The following GALNT14 variants were observed in gnomAD, a reference collection of about 807,000 sequenced individuals.
GALNT14 encodes the protein polypeptide N-acetylgalactosaminyltransferase 14, also known as UDP-GalNAc:polypeptide N-acetylgalactosaminyltransferase 14.
In GALNT14, 60 loss-of-function variants were observed where a neutral mutation model predicts 77.5. The observed-to-expected ratio is 0.77, with a 90% CI of 0.63 to 0.96. The LOEUF (loss-of-function observed/expected upper bound fraction) is 0.96, where lower values mean the gene tolerates loss of function less well. Among genes scored for constraint, GALNT14 ranks in the 40% least tolerant of loss-of-function variants. The pLI, the probability that GALNT14 is intolerant of heterozygous loss-of-function variation, is 0.00. For synonymous variants in GALNT14, 280 were observed against 281.7 expected, an observed-to-expected ratio of 0.99 and a Z score of 0.06; for missense variants, 710 against 731.0, an observed-to-expected ratio of 0.97 and a Z score of 0.33.
At chr2:30,935,195 C>T (rs1280669620) in intron 9 of GALNT14, among the ~76,000 whole-genome samples, 1 of 152,148 alleles carries the variant, frequency 6.6e-6, no homozygotes, top group Non-Finnish European at 1.5e-5. Context: ...GATAGGACAA[C>T]TGAGAGCGAG....
At chr2:31,136,069 G>C (rs917708264) in intron 1 of GALNT14, among the ~76,000 whole-genome samples, 6 of 152,170 alleles carry the variant, frequency 3.9e-5, no homozygotes, top group South Asian at 2.1e-4. Context: ...ATCACAGGGA[G>C]CAGAACCACC....
At chr2:30,966,546 C>T (rs1464470248) in intron 2 of GALNT14, among the ~76,000 whole-genome samples, 7 of 152,098 alleles carry the variant, frequency 4.6e-5, no homozygotes, top group African/African-American at 1.4e-4. Context: ...GGCTTGGAGA[C>T]GAATTGAGTT....
At chr2:30,934,562 C>T (rs994533099) in intron 9 of GALNT14, among the ~76,000 whole-genome samples, 3 of 152,126 alleles carry the variant, frequency 2.0e-5, no homozygotes, top group East Asian at 1.9e-4. Context: ...GCCCCACCAC[C>T]GTTCTCCACT....
chr2:30,957,168 T>C lies in GALNT14; in HGVS notation c.467-1191A>G, dbSNP rs1399637918. On this transcript the variant is annotated intron_variant, in intron 4 of 14. Coordinates refer to ENST00000349752, the MANE Select transcript of GALNT14 (RefSeq NM_024572.4). Reference sequence around the variant, plus strand: ...CTGCTTGGCTCTGAACTTTAAAGAATAACAGAAAAGACTTACACAGGCTTC... The same window carrying C: ...CTGCTTGGCTCTGAACTTTAAAGAACAACAGAAAAGACTTACACAGGCTTC... Among the ~76,000 whole-genome samples the C allele has an allele frequency of 3.9e-5, 6 of 152,286 alleles. No homozygotes were observed. The East Asian group carries it at 1.2e-3, about 29-fold the overall frequency.
intron 2 of GALNT14, among the ~76,000 whole-genome samples, chr2:30,970,188 G>A (rs903730199): frequency 6.6e-6 from 1 of 152,128 alleles, no homozygotes; most frequent in Non-Finnish European, 1.5e-5. Context: ...TTGCTGGGGG[G>A]TTCTGTCCTG....
At chr2:30,933,074 A>AG (rs1230899697) in intron 9 of GALNT14, among the ~76,000 whole-genome samples, 1 of 152,182 alleles carries the variant, frequency 6.6e-6, no homozygotes, top group Admixed American at 6.5e-5. Context: ...TGCCCTGAGA[A>AG]GGAAGTGGTG....
At chr2:30,969,957 C>T (rs1003289919) in intron 2 of GALNT14, among the ~76,000 whole-genome samples, 12 of 152,110 alleles carry the variant, frequency 7.9e-5, no homozygotes, top group African/African-American at 4.8e-5. Context: ...AATGGGCATC[C>T]GACATTACTT....
chr2:31,114,889 C>T (rs1344550362), intron 1 of GALNT14: 3 of 699,958 alleles, frequency 4.3e-6, no homozygotes, highest in Non-Finnish European at 7.9e-6. Flanking sequence ...AGGTAACTAA[C>T]AAAGAAAAAG....
rs768333997 is a variant in GALNT14, at chr2:31,035,616, C to CA, written c.130-42610_130-42609insT. ...ATATACATATACACACACACACACA[C>CA]CTACACACACACACACACACACACA... On this transcript the variant is annotated intron_variant, in intron 1 of 14. Coordinates refer to ENST00000349752, the MANE Select transcript of GALNT14 (RefSeq NM_024572.4). Among the ~76,000 whole-genome samples, 127 of 37,888 alleles carry CA rather than the reference C, an allele frequency of 3.4e-3. 3 individuals are homozygous for CA. The highest frequency in any genetic ancestry group is 0.016 in the African/African-American group (119 of 7,228). 24.9% of individuals were successfully genotyped at this position (37,888 alleles called of 152,430 possible). A position where few individuals can be genotyped will look rare whatever the true frequency, so the allele number is the denominator to read the frequency against.
intron 1 of GALNT14, among the ~76,000 whole-genome samples, chr2:31,097,391 A>G (rs113753908): frequency 1.3e-4 from 19 of 151,900 alleles, no homozygotes; most frequent in African/African-American, 4.1e-4. Flanking sequence ...TGCACTCTCC[A>G]CTCCAAGGGC....
intron 1 of GALNT14, among the ~76,000 whole-genome samples, chr2:31,040,391 G>T (rs1673027895): frequency 6.6e-6 from 1 of 152,156 alleles, no homozygotes. Flanking sequence ...GCCTCATCCA[G>T]CCTTGAAGTG....
Position 31,015,009 on chromosome 2 carries a change from G to T in GALNT14, c.130-22002C>A, listed in dbSNP as rs1282031427. 2.0e-5 allele frequency among the ~76,000 whole-genome samples: 3 copies of T among 152,178 alleles called. No individual in the cohort carries two copies. The East Asian group carries it at 5.8e-4, about 29-fold the overall frequency. ...CTAGCTTTAAAGAGGCAGGAGCTTG[G>T]CCGGGCACCGTGGCTCATGCCTGTA... On this transcript the variant is annotated intron_variant, in intron 1 of 14. Transcript: ENST00000349752.
chr2:31,037,182 C>T (rs1464287074), intron 1 of GALNT14, among the ~76,000 whole-genome samples: 4 of 152,118 alleles, frequency 2.6e-5, no homozygotes, highest in Admixed American at 2.6e-4. Flanking sequence ...TTTTTTCATC[C>T]TGTTCCTCAG....
Position 30,989,155 on chromosome 2 carries a change from A to G in GALNT14, c.299+3683T>C, listed in dbSNP as rs573142137. On this transcript the variant is annotated intron_variant, in intron 2 of 14. Transcript: ENST00000349752. ...TACTTCAGCTGGTTGGAGTCTGGAT[A>G]TCAGCATTGAAAGAAAGCACCACAA... is the stretch of plus-strand genomic sequence containing the variant. 3.9e-5 allele frequency among the ~76,000 whole-genome samples: 6 copies of G among 152,294 alleles called. No homozygotes were observed. In the South Asian group the frequency reaches 1.2e-3, roughly 32 times the overall value.
At chr2:31,079,773 A>T (rs1047921025) in intron 1 of GALNT14, among the ~76,000 whole-genome samples, 4 of 152,182 alleles carry the variant, frequency 2.6e-5, no homozygotes, top group African/African-American at 9.7e-5. Context: ...TTCCTTAGTC[A>T]TGTACGGTCC....
chr2:31,078,036 G>A (rs1221211693), intron 1 of GALNT14, among the ~76,000 whole-genome samples: 1 of 152,216 alleles, frequency 6.6e-6, no homozygotes, highest in Non-Finnish European at 1.5e-5. Context: ...TAAGTCAGAA[G>A]CTGAGGACAT....
chr2:31,012,494 G>C (rs1671093888), intron 1 of GALNT14, among the ~76,000 whole-genome samples: 1 of 152,182 alleles, frequency 6.6e-6, no homozygotes, highest in African/African-American at 2.4e-5. Flanking sequence ...CACAGCCTCA[G>C]TGCAGCTCTC....
intron 1 of GALNT14, among the ~76,000 whole-genome samples, chr2:31,051,006 T>C (rs922288121): frequency 6.6e-6 from 1 of 151,786 alleles, no homozygotes; most frequent in African/African-American, 2.4e-5. Context: ...GGCCAAGAGA[T>C]GCTGCGCCAC....
intron 1 of GALNT14, among the ~76,000 whole-genome samples, chr2:31,036,662 C>T (rs1196235267): frequency 6.6e-6 from 1 of 152,140 alleles, no homozygotes; most frequent in Non-Finnish European, 1.5e-5. Context: ...CTGAAAATCT[C>T]TCTTTAGTAG....
Sources: allele counts gnomAD v4.1 joint callset (sites outside exome capture counted in the v4.1 genomes callset), GRCh38; gene constraint gnomAD v4.1.1; transcripts MANE v1.5; gene names NCBI Gene and HGNC (gene_info 2026-07-23, HGNC 2026-07-21).